The following PON1 variants were observed in gnomAD, a reference collection of about 807,000 sequenced individuals.
The protein encoded by PON1 is paraoxonase 1, also known as serum paraoxonase/arylesterase 1.
Under a neutral mutation model 39.2 loss-of-function variants are expected in PON1, and 37 were observed. The observed-to-expected ratio is 0.94, with a 90% CI of 0.73 to 1.24. The LOEUF is 1.24. PON1 is among the 50% of genes most tolerant of loss of function. PON1 has a pLI of 0.00. For missense variants in PON1, 397 were observed against 413.5 expected (o/e 0.96, Z 0.35); for synonymous variants, 148 against 152.2 (o/e 0.97, Z 0.21).
Position 95,318,360 on chromosome 7 carries a change from G to A in PON1, c.108C>T (p.Pro36=), listed in dbSNP as rs765657236. Reference sequence around the variant, plus strand: ...CTAAATTACAGTTAGGAAGTTCTACGGGTTGTACCTCTCGGAGAGCATTAA... The same window carrying A: ...CTAAATTACAGTTAGGAAGTTCTACAGGTTGTACCTCTCGGAGAGCATTAA... ...TRLNALREVQ[P]VELPNCNLVK... Residue 36 remains proline, a synonymous_variant, in exon 2 of 9, where the codon CCC becomes CCT. Coordinates refer to ENST00000222381, the MANE Select transcript of PON1 (RefSeq NM_000446.7). 5 of 1,610,062 alleles carry A rather than the reference G, an allele frequency of 3.1e-6. No homozygotes were observed. The highest frequency in any genetic ancestry group is 1.7e-5 in the Admixed American group (1 of 59,996).
chr7:95,298,953 A>G lies in PON1; in HGVS notation c.1059T>C (p.Cys353=), dbSNP rs770230300. ...GGTGCAAATCGGTCTGTTAGAGCTC[A>G]CAGTAAAGAGCTTTGTGAAACACTG... ...IGTVFHKALY[C]EL is the part of the protein sequence containing the mutation. Residue 353 remains cysteine, a synonymous_variant, in exon 9 of 9, where the codon TGT becomes TGC. Coordinates refer to ENST00000222381, the MANE Select transcript of PON1 (RefSeq NM_000446.7). 1 of 1,613,760 alleles carries G rather than the reference A, an allele frequency of 6.2e-7. No individual in the cohort carries two copies. The highest frequency in any genetic ancestry group is 1.1e-5 in the South Asian group (1 of 91,070).
chr7:95,319,852 C>T (rs931834473), intron 1 of PON1, among the ~76,000 whole-genome samples: 2 of 152,200 alleles, frequency 1.3e-5, no homozygotes, highest in Non-Finnish European at 2.9e-5. Flanking sequence ...CATACACATA[C>T]ACATCTGAAT....
rs117829440 is a variant in PON1, at chr7:95,307,462, A to G, written c.698+549T>C. The stretch of plus-strand genomic sequence containing the variant: ...ATATAGATATTTCATGTATATACCA[A>G]TGCTACCCAAAATGCAGTCTCCAGA... On this transcript the variant is annotated intron_variant, in intron 6 of 8. Coordinates refer to ENST00000222381, the MANE Select transcript of PON1 (RefSeq NM_000446.7). Among the ~76,000 whole-genome samples, 12 of 152,346 alleles carry G rather than the reference A, an allele frequency of 7.9e-5. No individual in the cohort carries two copies. The East Asian group carries it at 2.1e-3, about 27-fold the overall frequency.
intron 1 of PON1, among the ~76,000 whole-genome samples, chr7:95,322,395 T>G (rs1337451522): frequency 1.3e-5 from 2 of 151,472 alleles, no homozygotes; most frequent in Non-Finnish European, 2.9e-5. Flanking sequence ...TATCCCCTAA[T>G]TTTCGGGTGG....
intron 3 of PON1, among the ~76,000 whole-genome samples, chr7:95,315,741 C>G (rs1487106210): frequency 2.0e-5 from 3 of 152,196 alleles, no homozygotes; most frequent in East Asian, 3.9e-4. Context: ...GTGCACGACA[C>G]TACAGCTTCC....
intron 2 of PON1, among the ~76,000 whole-genome samples, chr7:95,317,345 T>C (rs559584396): frequency 6.6e-6 from 1 of 152,192 alleles, no homozygotes; most frequent in African/African-American, 2.4e-5. Context: ...TAAGTACATG[T>C]AAATTTTTAA....
In PON1 at chr7:95,298,819, T is replaced by A; in HGVS notation, c.*125A>T. ...CACTCCCAGTTAAACAGTGCTTTGA[T>A]GCTTCATGATGTCCACATTTAGGGT... is the stretch of plus-strand genomic sequence containing the variant. On this transcript the variant is annotated 3_prime_UTR_variant, in exon 9 of 9. Coordinates refer to ENST00000222381, the MANE Select transcript of PON1 (RefSeq NM_000446.7). 2 of 1,182,146 alleles carry A rather than the reference T, an allele frequency of 1.7e-6. No homozygotes were observed. The highest frequency in any genetic ancestry group is 3.7e-5 in the Admixed American group (2 of 54,638). The allele number at this position is 1,182,146 out of a possible 1,614,324, so 73.2% of individuals were successfully genotyped here. A position where few individuals can be genotyped will look rare whatever the true frequency, so the allele number is the denominator to read the frequency against.
At position 95,302,303 on chromosome 7, in the gene PON1, T is replaced by C. The variant is rs368248410; in HGVS notation, c.811A>G (p.Ile271Val). The C allele has an allele frequency of 3.1e-6, 5 of 1,608,016 alleles. No individual in the cohort carries two copies. Among genetic ancestry groups the C allele is most frequent in the African/African-American group, 2.7e-5 (2 of 74,776 alleles). ...SLDFNTLVDN[I>V]SVDPETGDLW... is the part of the protein sequence containing the mutation. ...TCTCCTGTCTCAGGATCCACAGATA[T>C]GTTATCCACGAGGGTATTAAAGTCA... The change falls in exon 8 of 9, where the codon ATA becomes GTA. Residue 271 changes from isoleucine (I) to valine (V), a missense_variant. Ile to Val is a conservative substitution (Grantham distance 29). Coordinates refer to ENST00000222381, the MANE Select transcript of PON1 (RefSeq NM_000446.7).
In PON1 at chr7:95,298,513, C is replaced by T; in HGVS notation, c.*431G>A. ...GTTTTCTGGCCTGTGAACTGGAGTC[C>T]CTGGGTGAGTACTGGAGTTCTAAAG... On this transcript the variant is annotated 3_prime_UTR_variant, in exon 9 of 9. Transcript: ENST00000222381. 3.6e-6 allele frequency: 1 copy of T among 279,712 alleles called. No homozygotes were observed. The highest frequency in any genetic ancestry group is 7.0e-6 in the Non-Finnish European group (1 of 143,214). 17.3% of individuals were successfully genotyped at this position (279,712 alleles called of 1,614,324 possible). A position where few individuals can be genotyped will look rare whatever the true frequency, so the allele number is the denominator to read the frequency against.
At chr7:95,308,948 C>T (rs1007227314) in intron 5 of PON1, among the ~76,000 whole-genome samples, 1 of 151,256 alleles carries the variant, frequency 6.6e-6, no homozygotes, top group Non-Finnish European at 1.5e-5. Flanking sequence ...TTAATGGATA[C>T]AATAGGGAAC....
intron 1 of PON1, 100 bp downstream of exon 1, chr7:95,324,302 A>G (rs1807964875): frequency 9.3e-7 from 1 of 1,076,512 alleles, no homozygotes; most frequent in Non-Finnish European, 1.4e-6. Flanking sequence ...CTGCTTGTAA[A>G]TGTTCTGTTA....
intron 7 of PON1, among the ~76,000 whole-genome samples, chr7:95,305,605 A>G (rs1331053548): frequency 6.6e-6 from 1 of 152,184 alleles, no homozygotes; most frequent in Non-Finnish European, 1.5e-5. Context: ...GGCGAGGGAA[A>G]ATACGTAGCG....
chr7:95,311,441 A>T lies in PON1; in HGVS notation c.497+10T>A, dbSNP rs1231102382. 3 of 1,613,958 alleles carry T rather than the reference A, an allele frequency of 1.9e-6. No individual in the cohort carries two copies. In the South Asian group the frequency reaches 3.3e-5, roughly 18 times the overall value. ...CTAAAGGAAAATAGAAATGTGATAT[A>T]TCTCAGTACTTAGGCAGAAGTTTAT... On this transcript the variant is annotated intron_variant, in intron 5 of 8. Transcript: ENST00000222381.
At position 95,315,434 on chromosome 7, in the gene PON1, A is replaced by G. The variant is rs1403609706; in HGVS notation, c.258T>C (p.Leu86=). Residue 86 remains leucine (L), a synonymous_variant, in exon 4 of 9, where the codon CTT becomes CTC. Transcript: ENST00000222381. Reference sequence around the variant, plus strand: ...GATCTTCTTCATTCAGGTCCATCAGAAGTATTTTTCCAGGACTGTTGGGGT... The same window carrying G: ...GATCTTCTTCATTCAGGTCCATCAGGAGTATTTTTCCAGGACTGTTGGGGT... The part of the protein sequence containing the change: ...SFNPNSPGKI[L]LMDLNEEDPT... 4.3e-6 allele frequency: 7 copies of G among 1,614,016 alleles called. No individual in the cohort carries two copies. Among genetic ancestry groups the G allele is most frequent in the South Asian group, 1.1e-5 (1 of 91,078 alleles).
intron 2 of PON1, among the ~76,000 whole-genome samples, chr7:95,317,600 AAAAG>A (rs1439488470): frequency 6.6e-6 from 1 of 151,058 alleles, no homozygotes; most frequent in Non-Finnish European, 1.5e-5. Context: ...AAAAGAAAGA[AAAAG>A]AAACACCCAA....
In PON1 at chr7:95,298,913, A is replaced by G. The variant is rs767056527; in HGVS notation, c.*31T>C. 2 of 1,613,860 alleles carry G rather than the reference A, an allele frequency of 1.2e-6. No homozygotes were observed. The highest frequency in any genetic ancestry group is 8.5e-7 in the Non-Finnish European group (1 of 1,179,772). On this transcript the variant is annotated 3_prime_UTR_variant, in exon 9 of 9. Coordinates refer to ENST00000222381, the MANE Select transcript of PON1 (RefSeq NM_000446.7). ...GGCAAGCGGTTGAAATAATGGCCTC[A>G]GTTTCTATGGCATGGGTGCAAATCG...
rs3917494 is a variant in PON1, at chr7:95,318,613, A to C, written c.75-220T>G. ...ATTTAGCAGAGGTGGATAGGTACAC[A>C]TAAGAGATACATAATATCCTCTCTA... On this transcript the variant is annotated intron_variant, in intron 1 of 8. Transcript: ENST00000222381. 1,088 of 507,436 alleles carry C rather than the reference A, an allele frequency of 2.1e-3. 11 individuals are homozygous for C. Among genetic ancestry groups the C allele is most frequent in the African/African-American group, 0.019 (1,005 of 51,610 alleles). The allele number at this position is 507,436 out of a possible 1,614,324, so 31.4% of individuals were successfully genotyped here.
At position 95,324,421 on chromosome 7, in the gene PON1, TCC is replaced by T; in HGVS notation, c.53_54del (p.Arg18LysfsTer11). ...ACTTACTGGTAAGAAGACTGGTGGT[TCC>T]TGAAGAGTGCCAGTCCCATCCCCAA... ...TLLGMGLALF[R>X]NHQSSYQTRL... On this transcript the variant is annotated frameshift_variant, in exon 1 of 9. Transcript: ENST00000222381. LOFTEE classifies it high-confidence loss of function. 6.2e-7 allele frequency: 1 copy of T among 1,614,156 alleles called. No homozygotes were observed. The highest frequency in any genetic ancestry group is 8.5e-7 in the Non-Finnish European group (1 of 1,180,010).
Position 95,307,275 on chromosome 7 carries a change from G to T in PON1, c.698+736C>A, listed in dbSNP as rs568434853. Among the ~76,000 whole-genome samples, 5 of 152,002 alleles carry T rather than the reference G, an allele frequency of 3.3e-5. No individual in the cohort carries two copies. The South Asian group carries it at 1.0e-3, about 32-fold the overall frequency. On this transcript the variant is annotated intron_variant, in intron 6 of 8. Coordinates refer to ENST00000222381, the MANE Select transcript of PON1 (RefSeq NM_000446.7). ...GGGTTTCGCCATGATGGCCAGGCTGGTCTATGACCTCAGGTGATCCACCCA... is the reference window on the plus strand; with the variant it reads ...GGGTTTCGCCATGATGGCCAGGCTGTTCTATGACCTCAGGTGATCCACCCA...
Sources: allele counts gnomAD v4.1 joint callset (sites outside exome capture counted in the v4.1 genomes callset), GRCh38; gene constraint gnomAD v4.1.1; transcripts MANE v1.5; gene names NCBI Gene and HGNC (gene_info 2026-07-23, HGNC 2026-07-21).